Variants in NGEF observed in about 807,000 individuals in gnomAD.
NGEF encodes ephexin-1.
Under a neutral mutation model 80.9 loss-of-function variants are expected in NGEF, and 31 were observed. The ratio of observed to expected loss-of-function variants is 0.38; its 90% CI spans 0.29 to 0.52. NGEF has a LOEUF of 0.52. Ranked by LOEUF, NGEF falls within the 20% of genes least tolerant of loss-of-function variation. NGEF has a pLI of 0.84. For missense variants in NGEF, 709 were observed against 926.2 expected (o/e 0.77, Z 3.04); for synonymous variants, 371 against 370.2 (o/e 1.00, Z -0.03).
chr2:232,940,104 T>G (rs1461769171), intron 3 of NGEF, among the ~76,000 whole-genome samples: 2 of 152,162 alleles, frequency 1.3e-5, no homozygotes, highest in African/African-American at 4.8e-5. Flanking sequence ...GCCACTAAAA[T>G]CCTTGTTTCT....
chr2:233,006,866 C>T (rs965815326), intron 1 of NGEF, among the ~76,000 whole-genome samples: 2 of 152,078 alleles, frequency 1.3e-5, no homozygotes, highest in Non-Finnish European at 2.9e-5. Context: ...GTGGTGGAGG[C>T]GGGATTCAAA....
Position 232,927,134 on chromosome 2 carries a change from G to A in NGEF, c.436C>T (p.Leu146=), listed in dbSNP as rs758688860. Residue 146 remains leucine (L), a synonymous_variant, in exon 4 of 15, where the codon CTG becomes TTG. Transcript: ENST00000264051. Reference sequence around the variant, plus strand: ...GTGAGCGTGGTGGGGCTGTCGGCCAGGGCCGGCCACTCCTCGGGCGTGGCC... The same window carrying A: ...GTGAGCGTGGTGGGGCTGTCGGCCAAGGCCGGCCACTCCTCGGGCGTGGCC... ...NGATPEEWPA[L]ADSPTTLTEA... 1 of 1,611,974 alleles carries A rather than the reference G, an allele frequency of 6.2e-7. No homozygotes were observed. The highest frequency in any genetic ancestry group is 8.5e-7 in the Non-Finnish European group (1 of 1,179,334).
At chr2:233,003,410 G>A (rs542554546) in intron 1 of NGEF, among the ~76,000 whole-genome samples, 14 of 152,232 alleles carry the variant, frequency 9.2e-5, no homozygotes, top group East Asian at 3.9e-4. Context: ...CTCTTCAAAC[G>A]TCTCCTGACT....
intron 2 of NGEF, 38 bp downstream of exon 2, chr2:232,974,585 G>C: frequency 6.2e-7 from 1 of 1,600,016 alleles, no homozygotes; most frequent in South Asian, 1.1e-5. Flanking sequence ...CCAGTTGGAT[G>C]TAAGGGAACA....
intron 3 of NGEF, among the ~76,000 whole-genome samples, chr2:232,947,964 G>A (rs1693594886): frequency 6.6e-6 from 1 of 152,038 alleles, no homozygotes; most frequent in African/African-American, 2.4e-5. Flanking sequence ...ATACTTATAG[G>A]GTACATGTGA....
chr2:232,915,017 C>CA (rs11374459), intron 5 of NGEF, among the ~76,000 whole-genome samples: 18,448 of 96,984 alleles, frequency 0.19, 1,469 homozygotes, highest in East Asian at 0.4. Context: ...ACTCCATCTC[C>CA]AAAAAAAAAA....
At chr2:232,904,867 C>G (rs1452523025) in intron 5 of NGEF, among the ~76,000 whole-genome samples, 1 of 152,138 alleles carries the variant, frequency 6.6e-6, no homozygotes, top group Non-Finnish European at 1.5e-5. Context: ...AGCTTGAGCC[C>G]AGGAGTTCAA....
chr2:232,944,734 T>TATATATATAC (rs2106300217), intron 3 of NGEF, among the ~76,000 whole-genome samples: 1 of 46,578 alleles, frequency 2.1e-5, no homozygotes, highest in East Asian at 6.5e-4. Flanking sequence ...CGAATATATA[T>TATATATATAC]ATATATATAT....
At chr2:232,927,752 G>A (rs1693108710) in intron 3 of NGEF, 7 of 448,908 alleles carry the variant, frequency 1.6e-5, no homozygotes, top group Admixed American at 4.6e-5. Context: ...CGGGGCCCGG[G>A]GGTGGGAGTA....
chr2:232,928,477 C>T (rs1433448082), intron 3 of NGEF, among the ~76,000 whole-genome samples: 2 of 152,064 alleles, frequency 1.3e-5, no homozygotes, highest in South Asian at 2.1e-4. Flanking sequence ...CCCCAGTGCC[C>T]GCAGACCTCC....
At chr2:232,943,590 G>A (rs1236285602) in intron 3 of NGEF, among the ~76,000 whole-genome samples, 2 of 151,494 alleles carry the variant, frequency 1.3e-5, no homozygotes, top group Non-Finnish European at 2.9e-5. Context: ...CCGCCTCCCG[G>A]GTTCACGCCA....
chr2:233,006,998 C>A (rs541889277), intron 1 of NGEF, among the ~76,000 whole-genome samples: 203 of 152,260 alleles, frequency 1.3e-3, no homozygotes, highest in African/African-American at 4.6e-3. Context: ...CAATCCCAGC[C>A]CTTTGGGGCC....
chr2:232,948,139 G>C (rs141806514), intron 3 of NGEF, among the ~76,000 whole-genome samples: 51 of 139,798 alleles, frequency 3.6e-4, no homozygotes, highest in Admixed American at 1.3e-3. Context: ...TTTGAATATA[G>C]CCTGGAGATG....
At chr2:232,911,099 T>C (rs879886226) in intron 5 of NGEF, among the ~76,000 whole-genome samples, 1 of 152,232 alleles carries the variant, frequency 6.6e-6, no homozygotes, top group Non-Finnish European at 1.5e-5. Context: ...TTTTCTCCTA[T>C]GTTTTCCTCT....
chr2:232,900,141 C>T, intron 5 of NGEF, among the ~76,000 whole-genome samples: 1 of 145,094 alleles, frequency 6.9e-6, no homozygotes, highest in East Asian at 2.2e-4. Context: ...CATTCTCACA[C>T]ACACACGCTC....
chr2:232,964,586 C>T (rs1045286686), intron 3 of NGEF, among the ~76,000 whole-genome samples: 2 of 151,912 alleles, frequency 1.3e-5, no homozygotes, highest in Admixed American at 1.3e-4. Flanking sequence ...CCCACATATT[C>T]GGGAGGCAGG....
chr2:232,910,600 T>TTA (rs1575011474), intron 5 of NGEF, among the ~76,000 whole-genome samples: 2 of 151,714 alleles, frequency 1.3e-5, no homozygotes, highest in East Asian at 3.9e-4. Context: ...GGCTGCTGGG[T>TTA]AGTACCATAA....
intron 5 of NGEF, among the ~76,000 whole-genome samples, chr2:232,896,564 GTGA>G (rs1692071879): frequency 7.9e-6 from 1 of 127,272 alleles, no homozygotes; most frequent in Non-Finnish European, 1.7e-5. Flanking sequence ...TGGGGTAGGG[GTGA>G]GGGTGAAGGT....
chr2:232,941,939 C>G (rs939750135), intron 3 of NGEF, among the ~76,000 whole-genome samples: 1 of 152,160 alleles, frequency 6.6e-6, no homozygotes, highest in African/African-American at 2.4e-5. Flanking sequence ...AAAAATAGTC[C>G]CTTTTCCAGA....
Sources: gnomAD v4.1 joint callset for allele counts (sites outside exome capture counted in the v4.1 genomes callset) on GRCh38, gnomAD v4.1.1 for gene constraint, MANE v1.5 for transcripts, NCBI Gene and HGNC (gene_info 2026-07-23, HGNC 2026-07-21) for gene names.